MATCAP2: variants seen among roughly 807,000 people sequenced by gnomAD.
The protein encoded by MATCAP2 is microtubule associated tyrosine carboxypeptidase 2.
chr7:36,384,740 C>T, the MATCAP2 span, among the ~76,000 whole-genome samples: 1,939 of 151,972 alleles, frequency 0.013, 15 homozygotes, highest in Middle Eastern at 0.027. Flanking sequence ...GCCCAAATAA[C>T]GAGGAGCAGA....
chr7:36,382,772 C>T, the MATCAP2 span, among the ~76,000 whole-genome samples: 6 of 152,134 alleles, frequency 3.9e-5, no homozygotes, highest in African/African-American at 1.4e-4. Context: ...GGATTACAGG[C>T]GTGAGCCACC....
the MATCAP2 span, among the ~76,000 whole-genome samples, chr7:36,358,572 G>C: frequency 6.6e-6 from 1 of 152,198 alleles, no homozygotes; most frequent in African/African-American, 2.4e-5. Flanking sequence ...TGAAGGAGAG[G>C]GCAGCTTTGT....
At chr7:36,336,206 C>T in the MATCAP2 span, 19 of 1,536,250 alleles carry the variant, frequency 1.2e-5, no homozygotes, top group African/African-American at 5.5e-5. Context: ...ACTCCAGATT[C>T]GAGTTTTAGA....
At chr7:36,333,983 A>G in the MATCAP2 span, 1 of 1,614,118 alleles carries the variant, frequency 6.2e-7, no homozygotes, top group Non-Finnish European at 8.5e-7. Flanking sequence ...TGGCTTGATA[A>G]ACAGTGTAGT....
chr7:36,380,931 A>T, the MATCAP2 span, among the ~76,000 whole-genome samples: 2 of 152,138 alleles, frequency 1.3e-5, no homozygotes, highest in Non-Finnish European at 2.9e-5. Flanking sequence ...GGGTTTCACC[A>T]TGTTGGCCAG....
At chr7:36,347,054 C>T in the MATCAP2 span, among the ~76,000 whole-genome samples, 103 of 152,236 alleles carry the variant, frequency 6.8e-4, 2 homozygotes, top group Non-Finnish European at 1.5e-4. Context: ...CCACCGTGTC[C>T]GGTCTATTTT....
At chr7:36,354,164 G>C in the MATCAP2 span, among the ~76,000 whole-genome samples, 1 of 152,216 alleles carries the variant, frequency 6.6e-6, no homozygotes, top group Admixed American at 6.5e-5. Flanking sequence ...CAGCAAGCCA[G>C]GGCTCAGCAG....
the MATCAP2 span, chr7:36,357,597 T>TA: frequency 6.3e-7 from 1 of 1,578,952 alleles, no homozygotes; most frequent in African/African-American, 1.4e-5. Flanking sequence ...TTTTCTGTGT[T>TA]AATAAACAAA....
At chr7:36,366,798 C>A in the MATCAP2 span, 1 of 1,533,148 alleles carries the variant, frequency 6.5e-7, no homozygotes, top group Non-Finnish European at 8.7e-7. Context: ...GGGGTCGGGG[C>A]GCAGGGTGGA....
chr7:36,357,197 A>C, the MATCAP2 span: 21 of 1,614,062 alleles, frequency 1.3e-5, no homozygotes, highest in Admixed American at 3.2e-4. Context: ...ATTCCCTGTA[A>C]CAGAGATATC....
chr7:36,366,755 G>A, the MATCAP2 span: 2 of 1,534,992 alleles, frequency 1.3e-6, no homozygotes, highest in South Asian at 2.4e-5. Context: ...TCCCTCCACA[G>A]GTTTTTCGCG....
chr7:36,352,343 G>A, the MATCAP2 span, among the ~76,000 whole-genome samples: 1 of 143,590 alleles, frequency 7.0e-6, no homozygotes, highest in African/African-American at 2.6e-5. Context: ...GTTGCAGTAA[G>A]CTGAAATTGC....
the MATCAP2 span, chr7:36,366,791 G>A: frequency 2.0e-6 from 3 of 1,533,984 alleles, no homozygotes; most frequent in Admixed American, 3.9e-5. Context: ...CCCCGAAGGG[G>A]TCGGGGCGCA....
chr7:36,378,864 C>G, the MATCAP2 span, among the ~76,000 whole-genome samples: 497 of 152,362 alleles, frequency 3.3e-3, 7 homozygotes, highest in African/African-American at 0.012. Context: ...GACTGCTGTG[C>G]TAGCAGTGAG....
At chr7:36,385,009 C>T in the MATCAP2 span, among the ~76,000 whole-genome samples, 1 of 152,084 alleles carries the variant, frequency 6.6e-6, no homozygotes, top group African/African-American at 2.4e-5. Context: ...AGACATAGAG[C>T]AGCTCCAAAC....
the MATCAP2 span, chr7:36,389,744 C>A: frequency 1.0e-5 from 4 of 399,080 alleles, no homozygotes; most frequent in Non-Finnish European, 1.7e-5. Context: ...TGGGAACCAC[C>A]CGGCCCGGCG....
chr7:36,334,777 C>T, the MATCAP2 span, among the ~76,000 whole-genome samples: 1,575 of 152,150 alleles, frequency 0.01, 14 homozygotes, highest in Non-Finnish European at 0.016. Flanking sequence ...CTTAATTCAA[C>T]CCCCTCAGTT....
At chr7:36,351,168 G>GA in the MATCAP2 span, among the ~76,000 whole-genome samples, 1 of 152,168 alleles carries the variant, frequency 6.6e-6, no homozygotes, top group Admixed American at 6.6e-5. Context: ...GGCCAAGGTG[G>GA]GTGGATCACC....
At chr7:36,373,694 C>A in the MATCAP2 span, among the ~76,000 whole-genome samples, 2 of 152,136 alleles carry the variant, frequency 1.3e-5, no homozygotes, top group Non-Finnish European at 2.9e-5. Flanking sequence ...AGTCCTCCCC[C>A]ACTACCTCCC....
Sources: allele counts gnomAD v4.1 joint callset (sites outside exome capture counted in the v4.1 genomes callset), GRCh38; gene constraint gnomAD v4.1.1; transcripts MANE v1.5; gene names NCBI Gene and HGNC (gene_info 2026-07-23, HGNC 2026-07-21).